NRG3: variants seen among roughly 807,000 people sequenced by gnomAD.
The protein encoded by NRG3 is pro-neuregulin-3, membrane-bound isoform.
Under a neutral mutation model 66.9 loss-of-function variants are expected in NRG3, and 31 were observed. The ratio of observed to expected loss-of-function variants is 0.46; its 90% confidence interval spans 0.35 to 0.63. The LOEUF is 0.63. Ranked by LOEUF, NRG3 falls within the 20% of genes least tolerant of loss-of-function variation. NRG3 has a pLI of 0.00. For missense variants in NRG3, 910 were observed against 878.9 expected, an observed-to-expected ratio of 1.04 and a Z score of -0.45; for synonymous variants, 393 against 359.4, an observed-to-expected ratio of 1.09 and a Z score of -1.06.
chr10:82,265,392 A>G (rs1256456620), intron 1 of NRG3, among the ~76,000 whole-genome samples: 1 of 152,162 alleles, frequency 6.6e-6, no homozygotes, highest in Non-Finnish European at 1.5e-5. Flanking sequence ...AGAAAATGAG[A>G]GCACGAGGAA....
At chr10:82,773,593 A>G (rs1174529854) in intron 3 of NRG3, among the ~76,000 whole-genome samples, 1 of 152,102 alleles carries the variant, frequency 6.6e-6, no homozygotes, top group Non-Finnish European at 1.5e-5. Context: ...AGTTTAATAT[A>G]GATCCATTTA....
At chr10:82,429,907 C>T (rs2089685290) in intron 2 of NRG3, among the ~76,000 whole-genome samples, 1 of 152,126 alleles carries the variant, frequency 6.6e-6, no homozygotes, top group Non-Finnish European at 1.5e-5. Context: ...AATCTGCTGC[C>T]AACACCTTCT....
At position 82,672,343 on chromosome 10, in the gene NRG3, G is replaced by A. The variant is rs140343641; in HGVS notation, c.954-66234G>A. On this transcript the variant is annotated intron_variant, in intron 2 of 8. Coordinates refer to ENST00000372141, the MANE Select transcript of NRG3 (RefSeq NM_001010848.4). ...CAGAGGAGACTGGAGAGGAGGAAGGGGGCATCTTTTTATATTGATTTTAAG... is the reference window on the plus strand; with the variant it reads ...CAGAGGAGACTGGAGAGGAGGAAGGAGGCATCTTTTTATATTGATTTTAAG... Among the ~76,000 whole-genome samples, 582 of 152,190 alleles carry A rather than the reference G, an allele frequency of 3.8e-3. 1 individual carries two copies. Among genetic ancestry groups the A allele is most frequent in the Admixed American group, 7.6e-3 (116 of 15,300 alleles).
intron 1 of NRG3, among the ~76,000 whole-genome samples, chr10:82,051,465 G>A (rs541065611): frequency 6.6e-6 from 1 of 152,234 alleles, no homozygotes; most frequent in South Asian, 2.1e-4. Flanking sequence ...AAACCCAAAT[G>A]TGCCGAAGTT....
chr10:81,892,425 T>A (rs1259529803), intron 1 of NRG3, among the ~76,000 whole-genome samples: 1 of 152,134 alleles, frequency 6.6e-6, no homozygotes, highest in East Asian at 1.9e-4. Context: ...ATATGATATC[T>A]CACCCCCTTA....
At chr10:82,596,223 G>A (rs745995593) in intron 2 of NRG3, among the ~76,000 whole-genome samples, 48 of 152,226 alleles carry the variant, frequency 3.2e-4, no homozygotes, top group African/African-American at 6.0e-4. Context: ...CAGGAGCCTC[G>A]CATAGCAAGT....
rs1853217600 is a variant in NRG3, at chr10:82,984,243, G to C, written c.1584-855G>C. Reference sequence around the variant, plus strand: ...GTCATGGAACAGCACAGAGGAGACAGATTTACTAGCCCTGCACAGGCAAGA... The same window carrying C: ...GTCATGGAACAGCACAGAGGAGACACATTTACTAGCCCTGCACAGGCAAGA... On this transcript the variant is annotated intron_variant, in intron 8 of 8. Transcript: ENST00000372141. Among the ~76,000 whole-genome samples the C allele has an allele frequency of 2.0e-5, 3 of 152,228 alleles. No homozygotes were observed. The South Asian group carries it at 6.2e-4, about 32-fold the overall frequency.
At chr10:82,281,716 A>T (rs761190151) in intron 1 of NRG3, among the ~76,000 whole-genome samples, 1 of 152,136 alleles carries the variant, frequency 6.6e-6, no homozygotes, top group Non-Finnish European at 1.5e-5. Flanking sequence ...ATATGGCCAG[A>T]TATGAGAATC....
At chr10:82,598,138 C>T (rs1162266457) in intron 2 of NRG3, among the ~76,000 whole-genome samples, 1 of 152,096 alleles carries the variant, frequency 6.6e-6, no homozygotes, top group Non-Finnish European at 1.5e-5. Context: ...AACAACCTAG[C>T]AGAGTTTTTT....
At chr10:82,861,555 T>A (rs929469569) in intron 3 of NRG3, among the ~76,000 whole-genome samples, 2 of 152,206 alleles carry the variant, frequency 1.3e-5, no homozygotes, top group African/African-American at 4.8e-5. Context: ...GCCACTCATT[T>A]CTTAGCACAA....
chr10:82,520,072 G>T (rs1021828349), intron 2 of NRG3, among the ~76,000 whole-genome samples: 3 of 151,436 alleles, frequency 2.0e-5, no homozygotes, highest in Admixed American at 6.6e-5. Context: ...CTGTGCTATG[G>T]GGGTAAGTGT....
chr10:82,874,209 A>G (rs1841598551), intron 4 of NRG3, among the ~76,000 whole-genome samples: 2 of 152,186 alleles, frequency 1.3e-5, no homozygotes, highest in South Asian at 4.1e-4. Context: ...ATAATCTCCT[A>G]AGAAGTGACC....
At chr10:82,968,379 A>G (rs1851397491) in intron 6 of NRG3, among the ~76,000 whole-genome samples, 1 of 152,248 alleles carries the variant, frequency 6.6e-6, no homozygotes, top group South Asian at 2.1e-4. Flanking sequence ...CTAAAATAAT[A>G]AATTCTGGAA....
intron 1 of NRG3, among the ~76,000 whole-genome samples, chr10:82,038,639 C>T (rs1483680808): frequency 6.6e-6 from 1 of 152,104 alleles, no homozygotes; most frequent in Non-Finnish European, 1.5e-5. Context: ...TTATTAATAG[C>T]TGGAGGCACT....
At chr10:82,488,869 AT>A (rs1432541076) in intron 2 of NRG3, among the ~76,000 whole-genome samples, 2 of 152,224 alleles carry the variant, frequency 1.3e-5, no homozygotes, top group Non-Finnish European at 2.9e-5. Flanking sequence ...AGGAAAAAAA[AT>A]GTTTGGATTA....
At chr10:82,130,019 C>G (rs2068709099) in intron 1 of NRG3, among the ~76,000 whole-genome samples, 1 of 152,060 alleles carries the variant, frequency 6.6e-6, no homozygotes. Flanking sequence ...TTCCAAGCCT[C>G]TAGTAACCAT....
chr10:82,622,336 G>A (rs1156692634), intron 2 of NRG3, among the ~76,000 whole-genome samples: 1 of 151,920 alleles, frequency 6.6e-6, no homozygotes, highest in Non-Finnish European at 1.5e-5. Flanking sequence ...AGGTCATGAG[G>A]TTCTTTGGAT....
chr10:82,301,064 C>G (rs2080375808), intron 1 of NRG3, among the ~76,000 whole-genome samples: 1 of 152,132 alleles, frequency 6.6e-6, no homozygotes, highest in Admixed American at 6.5e-5. Flanking sequence ...ATTAAAATAT[C>G]TCTTGCAGCA....
intron 4 of NRG3, among the ~76,000 whole-genome samples, chr10:82,871,990 A>G (rs1841386351): frequency 1.3e-5 from 2 of 152,090 alleles, no homozygotes; most frequent in South Asian, 4.1e-4. Context: ...CTCGTTCATA[A>G]TCTTAATGAG....
Sources: allele counts gnomAD v4.1 joint callset (sites outside exome capture counted in the v4.1 genomes callset), GRCh38; gene constraint gnomAD v4.1.1; transcripts MANE v1.5; gene names NCBI Gene and HGNC (gene_info 2026-07-23, HGNC 2026-07-21).